BMPR1A: variants seen among roughly 807,000 people sequenced by gnomAD.
BMPR1A encodes bone morphogenetic protein receptor type 1A.
In BMPR1A, 7 loss-of-function variants were observed where a neutral mutation model predicts 66.0. The observed-to-expected ratio is 0.11, with a 90% confidence interval of 0.06 to 0.20. BMPR1A has a LOEUF of 0.20. Ranked by LOEUF, BMPR1A falls within the 10% of genes least tolerant of loss-of-function variation. The pLI, the probability that BMPR1A is intolerant of heterozygous loss-of-function variation, is 1.00. For synonymous variants in BMPR1A, 200 were observed against 229.7 expected (o/e 0.87, Z 1.17); for missense variants, 408 against 669.1 (o/e 0.61, Z 4.31).
chr10:86,865,414 C>T (rs1480502729), intron 2 of BMPR1A, among the ~76,000 whole-genome samples: 1 of 152,154 alleles, frequency 6.6e-6, no homozygotes, highest in African/African-American at 2.4e-5. Context: ...CCACTCTGCC[C>T]GCCAGAGAAC....
intron 1 of BMPR1A, among the ~76,000 whole-genome samples, chr10:86,828,455 A>G: frequency 6.6e-6 from 1 of 152,234 alleles, no homozygotes; most frequent in East Asian, 1.9e-4. Context: ...GTAAAAAACC[A>G]CAACACTCTT....
At chr10:86,821,710 C>T (rs7907083) in intron 1 of BMPR1A, among the ~76,000 whole-genome samples, 1 of 152,290 alleles carries the variant, frequency 6.6e-6, no homozygotes, top group African/African-American at 2.4e-5. Context: ...CTCTCTCTTG[C>T]CAAAACGTTG....
At position 86,909,393 on chromosome 10, in the gene BMPR1A, G is replaced by A. The variant is rs182974679; in HGVS notation, c.531-2847G>A. 3.2e-3 allele frequency among the ~76,000 whole-genome samples: 485 copies of A among 152,128 alleles called. 2 individuals carry two copies. The highest frequency in any genetic ancestry group is 0.011 in the African/African-American group (459 of 41,482). On this transcript the variant is annotated intron_variant, in intron 7 of 12. Coordinates refer to ENST00000372037, the MANE Select transcript of BMPR1A (RefSeq NM_004329.3). The stretch of plus-strand genomic sequence containing the variant: ...GGATCACTTGAGGCCAGAAGTTCGA[G>A]ACCAGCGTGGCCAACTAGCGGAACC...
chr10:86,900,577 C>T (rs982751960), intron 7 of BMPR1A, among the ~76,000 whole-genome samples: 1 of 152,012 alleles, frequency 6.6e-6, no homozygotes, highest in Non-Finnish European at 1.5e-5. Context: ...AACATCATAC[C>T]AACCTAGATA....
intron 1 of BMPR1A, among the ~76,000 whole-genome samples, chr10:86,812,380 A>G (rs2132945942): frequency 6.6e-6 from 1 of 152,232 alleles, no homozygotes; most frequent in Admixed American, 6.5e-5. Flanking sequence ...TTATCATTCC[A>G]TTGGATGGAT....
At chr10:86,767,031 T>G (rs1011281281) in intron 1 of BMPR1A, among the ~76,000 whole-genome samples, 1 of 152,004 alleles carries the variant, frequency 6.6e-6, no homozygotes, top group African/African-American at 2.4e-5. Context: ...ACCATGTTGG[T>G]CAGGATGGTC....
In BMPR1A at chr10:86,790,211, A is replaced by G. The variant is rs1369384815; in HGVS notation, c.-268+33292A>G. ...AAAATATATATATATATATATATAT[A>G]TATATATATATATATATATATATAT... is the stretch of plus-strand genomic sequence containing the variant. On this transcript the variant is annotated intron_variant, in intron 1 of 12. Transcript: ENST00000372037. Among the ~76,000 whole-genome samples the G allele has an allele frequency of 5.9e-4, 44 of 74,458 alleles. 12 individuals are homozygous for G. The highest frequency in any genetic ancestry group is 4.2e-3 in the East Asian group (7 of 1,664). 48.8% of individuals were successfully genotyped at this position (74,458 alleles called of 152,430 possible).
chr10:86,812,247 C>G (rs1841981841), intron 1 of BMPR1A, among the ~76,000 whole-genome samples: 1 of 152,172 alleles, frequency 6.6e-6, no homozygotes, highest in Non-Finnish European at 1.5e-5. Context: ...CAACCTGTTT[C>G]CTGTCACTCT....
chr10:86,759,113 T>C (rs1419277732), intron 1 of BMPR1A, among the ~76,000 whole-genome samples: 1 of 152,232 alleles, frequency 6.6e-6, no homozygotes, highest in African/African-American at 2.4e-5. Context: ...TGGGAGAATC[T>C]GGGAAAGATA....
chr10:86,841,355 A>G (rs1031965418), intron 2 of BMPR1A, among the ~76,000 whole-genome samples: 4 of 152,242 alleles, frequency 2.6e-5, no homozygotes, highest in Admixed American at 2.6e-4. Flanking sequence ...CTATAACATC[A>G]CTGATATGCC....
At chr10:86,854,694 C>T (rs1346757202) in intron 2 of BMPR1A, 1 of 223,384 alleles carries the variant, frequency 4.5e-6, no homozygotes, top group African/African-American at 2.3e-5. Flanking sequence ...AAGACGTATC[C>T]CTTCTGAGTC....
At chr10:86,786,809 T>C (rs577644450) in intron 1 of BMPR1A, among the ~76,000 whole-genome samples, 68 of 152,316 alleles carry the variant, frequency 4.5e-4, no homozygotes, top group African/African-American at 1.4e-3. Context: ...AACTTATTCT[T>C]CCTCCAGTAA....
At chr10:86,794,963 T>C (rs1841684617) in intron 1 of BMPR1A, among the ~76,000 whole-genome samples, 1 of 151,890 alleles carries the variant, frequency 6.6e-6, no homozygotes, top group South Asian at 2.1e-4. Context: ...GCAGTTCTCC[T>C]GCCTCAGCCT....
chr10:86,812,831 C>T (rs765824125), intron 1 of BMPR1A, among the ~76,000 whole-genome samples: 10 of 152,136 alleles, frequency 6.6e-5, no homozygotes, highest in Non-Finnish European at 1.3e-4. Context: ...CTTTAGGCTT[C>T]ATTAGGGTTC....
chr10:86,833,048 T>C (rs903507861), intron 1 of BMPR1A, among the ~76,000 whole-genome samples: 2 of 152,114 alleles, frequency 1.3e-5, no homozygotes, highest in African/African-American at 4.8e-5. Flanking sequence ...AGGTCAAGGC[T>C]GAAGTGAGCC....
chr10:86,801,474 A>G (rs1841809826), intron 1 of BMPR1A, among the ~76,000 whole-genome samples: 1 of 152,062 alleles, frequency 6.6e-6, no homozygotes, highest in Non-Finnish European at 1.5e-5. Context: ...TCACCTAGTT[A>G]GCTCTGTTTG....
intron 8 of BMPR1A, 93 bp from the exon 9 acceptor site, chr10:86,917,041 C>A: frequency 7.3e-7 from 1 of 1,376,328 alleles, no homozygotes. Flanking sequence ...TGGTTGGGTA[C>A]ACCATGCTTT....
At chr10:86,808,388 AG>A (rs1374470232) in intron 1 of BMPR1A, among the ~76,000 whole-genome samples, 1 of 152,128 alleles carries the variant, frequency 6.6e-6, no homozygotes, top group Non-Finnish European at 1.5e-5. Flanking sequence ...TCCTATTTTC[AG>A]TATCATTGAT....
At chr10:86,929,012 A>G (rs1843783948), downstream of BMPR1A, 1 of 151,514 alleles carries the variant, frequency 6.6e-6, no homozygotes, top group African/African-American at 2.4e-5. Context: ...GCCATTAAAT[A>G]GCCATTGAGA....
Sources: allele counts gnomAD v4.1 joint callset (sites outside exome capture counted in the v4.1 genomes callset), GRCh38; gene constraint gnomAD v4.1.1; transcripts MANE v1.5; gene names NCBI Gene and HGNC (gene_info 2026-07-23, HGNC 2026-07-21).